Variants in PTPRQ observed in about 807,000 individuals in gnomAD.
The protein encoded by PTPRQ is protein tyrosine phosphatase receptor type Q, also known as phosphatidylinositol phosphatase PTPRQ.
A neutral mutation model predicts 246.0 loss-of-function variants in PTPRQ; 199 were observed. The observed-to-expected ratio is 0.81, with a 90% CI of 0.72 to 0.91. The LOEUF (loss-of-function observed/expected upper bound fraction) is 0.91, where lower values mean the gene tolerates loss of function less well. Among genes scored for constraint, PTPRQ ranks in the 40% least tolerant of loss-of-function variants. The pLI is 0.00. For synonymous variants in PTPRQ, 869 were observed against 853.2 expected (o/e 1.02, Z -0.32); for missense variants, 2,624 against 2,528.4 (o/e 1.04, Z -0.81).
chr12:80,463,358 G>A (rs140528976), intron 6 of PTPRQ, among the ~76,000 whole-genome samples: 7,446 of 152,222 alleles, frequency 0.049, 273 homozygotes, highest in Middle Eastern at 0.088. Flanking sequence ...CAAGAAATAC[G>A]GGACTATGTG....
At chr12:80,573,343 G>A (rs1897198932) in intron 25 of PTPRQ, among the ~76,000 whole-genome samples, 1 of 152,094 alleles carries the variant, frequency 6.6e-6, no homozygotes, top group African/African-American at 2.4e-5. Context: ...GAAAAAATTA[G>A]CCGGGCATGG....
At chr12:80,618,204 T>C (rs1039585438) in intron 30 of PTPRQ, among the ~76,000 whole-genome samples, 11 of 151,518 alleles carry the variant, frequency 7.3e-5, no homozygotes, top group Admixed American at 2.0e-4. Flanking sequence ...ATAGTTATCT[T>C]TGATAACTGT....
intron 12 of PTPRQ, 122 bp downstream of exon 12, chr12:80,495,493 T>C: frequency 1.6e-6 from 2 of 1,275,630 alleles, no homozygotes; most frequent in South Asian, 4.4e-5. Flanking sequence ...ACTTCATATT[T>C]TGTTGTTTTG....
At chr12:80,512,258 T>C (rs1895147349) in intron 17 of PTPRQ, among the ~76,000 whole-genome samples, 1 of 152,238 alleles carries the variant, frequency 6.6e-6, no homozygotes, top group Admixed American at 6.5e-5. Context: ...CCCTGCATTA[T>C]GAGAATAATT....
At chr12:80,653,729 TA>T (rs1364284777) in intron 38 of PTPRQ, among the ~76,000 whole-genome samples, 23 of 152,302 alleles carry the variant, frequency 1.5e-4, no homozygotes, top group African/African-American at 5.5e-4. Context: ...TGTCGAATTG[TA>T]AAGGACATGC....
intron 9 of PTPRQ, among the ~76,000 whole-genome samples, chr12:80,488,781 A>G (rs2120628731): frequency 6.6e-6 from 1 of 152,130 alleles, no homozygotes; most frequent in African/African-American, 2.4e-5. Flanking sequence ...TTTCCAGTGA[A>G]TCCCATGATC....
intron 8 of PTPRQ, among the ~76,000 whole-genome samples, chr12:80,483,987 TTTTG>T (rs71094983): frequency 0.29 from 43,908 of 149,164 alleles, 8,391 homozygotes; most frequent in African/African-American, 0.54. Flanking sequence ...CTTTCTTGTT[TTTTG>T]TTTGTTTGTT....
At chr12:80,611,030 C>T (rs1898530909) in intron 28 of PTPRQ, among the ~76,000 whole-genome samples, 1 of 150,296 alleles carries the variant, frequency 6.7e-6, no homozygotes, top group African/African-American at 2.4e-5. Flanking sequence ...ACTTGTAATA[C>T]TCTGTGAGTA....
rs148207357 is a variant in PTPRQ, at chr12:80,499,410, A to G, written c.2272+2879A>G. 2.7e-3 allele frequency among the ~76,000 whole-genome samples: 403 copies of G among 152,046 alleles called. 2 individuals are homozygous for G. Among genetic ancestry groups the G allele is most frequent in the African/African-American group, 9.5e-3 (395 of 41,512 alleles). On this transcript the variant is annotated intron_variant, in intron 14 of 44. Transcript: ENST00000644991. Reference sequence around the variant, plus strand: ...TATGTTTGCTACTGTTAAACCACCCACTTTAGCTCCTTTGGCAAAAGAGGA... The same window carrying G: ...TATGTTTGCTACTGTTAAACCACCCGCTTTAGCTCCTTTGGCAAAAGAGGA...
rs574644251 is a variant in PTPRQ, at chr12:80,598,710, G to A, written c.4610-6349G>A. Among the ~76,000 whole-genome samples the A allele has an allele frequency of 5.3e-5, 8 of 151,976 alleles. No individual in the cohort carries two copies. In the East Asian group the frequency reaches 1.6e-3, roughly 30 times the overall value. On this transcript the variant is annotated intron_variant, in intron 26 of 44. Coordinates refer to ENST00000644991, the MANE Select transcript of PTPRQ (RefSeq NM_001145026.2). ...ATTCTGAAACTAAAACACCCTGAGT[G>A]GTAGGCCCTTTTAATAAACTTTATA...
intron 34 of PTPRQ, among the ~76,000 whole-genome samples, chr12:80,634,245 T>C (rs1452311204): frequency 6.6e-6 from 1 of 152,140 alleles, no homozygotes; most frequent in Non-Finnish European, 1.5e-5. Flanking sequence ...TGTCCAACTC[T>C]TAATAAATAC....
At position 80,632,413 on chromosome 12, in the gene PTPRQ, C is replaced by T; in HGVS notation, c.5786+122C>T. 4 of 1,346,778 alleles carry T rather than the reference C, an allele frequency of 3.0e-6. No homozygotes were observed. The South Asian group carries it at 5.6e-5, about 19-fold the overall frequency. The allele number at this position is 1,346,778 out of a possible 1,614,324, so 83.4% of individuals were successfully genotyped here. A position where few individuals can be genotyped will look rare whatever the true frequency, so the allele number is the denominator to read the frequency against. ...GGGAAACATTTTTATTTTTAATAGA[C>T]AGATAAAAATGTATTTATCATGTAC... On this transcript the variant is annotated intron_variant, in intron 34 of 44. Transcript: ENST00000644991.
intron 25 of PTPRQ, among the ~76,000 whole-genome samples, chr12:80,569,230 C>T (rs1405561520): frequency 8.8e-5 from 13 of 147,902 alleles, no homozygotes; most frequent in East Asian, 6.1e-4. Flanking sequence ...TTTGTTCTTG[C>T]GATAGTTTAC....
At chr12:80,590,333 C>T (rs1897752125) in intron 26 of PTPRQ, among the ~76,000 whole-genome samples, 1 of 152,068 alleles carries the variant, frequency 6.6e-6, no homozygotes, top group Admixed American at 6.6e-5. Flanking sequence ...CCAGACTGGT[C>T]TTTTTCAACC....
In PTPRQ at chr12:80,632,307, G is replaced by A. The variant is rs1429191172; in HGVS notation, c.5786+16G>A. The A allele has an allele frequency of 1.1e-5, 17 of 1,550,934 alleles. No homozygotes were observed. Among genetic ancestry groups the A allele is most frequent in the African/African-American group, 1.4e-5 (1 of 72,968 alleles). ...CATTTGCAAGGTAAGATTTATTTGC[G>A]CTTACATTCCAGGATGCTTTATGGG... On this transcript the variant is annotated intron_variant, in intron 34 of 44. Transcript: ENST00000644991.
intron 44 of PTPRQ, 79 bp downstream of exon 44, chr12:80,678,804 T>A: frequency 4.1e-6 from 6 of 1,455,200 alleles, no homozygotes; most frequent in Non-Finnish European, 5.4e-6. Context: ...AATAACCATA[T>A]GTTAAAAATG....
chr12:80,509,626 C>A (rs1895066209), intron 16 of PTPRQ, among the ~76,000 whole-genome samples: 1 of 152,028 alleles, frequency 6.6e-6, no homozygotes, highest in Admixed American at 6.6e-5. Context: ...ATAAAGTTGG[C>A]TGACTATTTT....
chr12:80,563,850 T>A (rs1896901533), intron 25 of PTPRQ, among the ~76,000 whole-genome samples: 1 of 152,194 alleles, frequency 6.6e-6, no homozygotes, highest in Non-Finnish European at 1.5e-5. Flanking sequence ...GTCTCTGACA[T>A]CACTGTATGA....
rs1899508027 is a variant in PTPRQ, at chr12:80,633,206, A to T, written c.5786+915A>T. ...AGCTTTCAGGCCACCTACATCTTTTAAAGTAATTTGTAACTCTTATAGGTT... is the reference window on the plus strand; with the variant it reads ...AGCTTTCAGGCCACCTACATCTTTTTAAGTAATTTGTAACTCTTATAGGTT... On this transcript the variant is annotated intron_variant, in intron 34 of 44. Transcript: ENST00000644991. 3.3e-5 allele frequency among the ~76,000 whole-genome samples: 5 copies of T among 152,238 alleles called. No homozygotes were observed. In the South Asian group the frequency reaches 8.3e-4, roughly 25 times the overall value.
Sources: gnomAD v4.1 joint callset for allele counts (sites outside exome capture counted in the v4.1 genomes callset) on GRCh38, gnomAD v4.1.1 for gene constraint, MANE v1.5 for transcripts, NCBI Gene and HGNC (gene_info 2026-07-23, HGNC 2026-07-21) for gene names.